DNAH17: variants seen among roughly 807,000 people sequenced by gnomAD.
DNAH17 encodes axonemal beta dynein heavy chain 17.
In DNAH17, 376 loss-of-function variants were observed where a neutral mutation model predicts 485.6. The observed-to-expected ratio is 0.77, with a 90% CI of 0.71 to 0.84. DNAH17 has a LOEUF of 0.84. DNAH17 is among the 40% of genes least tolerant of loss of function. DNAH17 has a pLI of 0.00. For missense variants in DNAH17, 6,370 were observed against 5,839.3 expected, an observed-to-expected ratio of 1.09 and a Z score of -2.96; for synonymous variants, 3,031 against 2,405.9, an observed-to-expected ratio of 1.26 and a Z score of -7.60.
At chr17:78,461,406 G>C in intron 58 of DNAH17, 138 bp downstream of exon 58, 1 of 951,902 alleles carries the variant, frequency 1.1e-6, no homozygotes, top group Non-Finnish European at 1.4e-6. Context: ...GGGTCCCACT[G>C]GTTTAGGAAC....
chr17:78,504,658 AT>A (rs1450720089), intron 31 of DNAH17, among the ~76,000 whole-genome samples: 11 of 152,208 alleles, frequency 7.2e-5, no homozygotes, highest in Admixed American at 7.2e-4. Flanking sequence ...TAGTTGGGTA[AT>A]GAGACAGGGG....
chr17:78,551,835 C>T (rs1209437893), intron 15 of DNAH17, among the ~76,000 whole-genome samples, 197 bp from the exon 16 acceptor site: 1 of 151,952 alleles, frequency 6.6e-6, no homozygotes, highest in East Asian at 1.9e-4. Context: ...TAGCAGTGGG[C>T]ACCTGTAATC....
rs760875407 is a variant in DNAH17, at chr17:78,461,658, CTGCT to C, written c.9221_9224del (p.Lys3074ArgfsTer9). On this transcript the variant is annotated frameshift_variant, in exon 58 of 81. Transcript: ENST00000389840. LOFTEE classifies it high-confidence loss of function. The stretch of plus-strand genomic sequence containing the variant: ...TCAGTTGGTCTGCGCTCTCATTCTT[CTGCT>C]TGAGCTCAGCCTCCTGAATCGCCAA... The C allele has an allele frequency of 6.2e-7, 1 of 1,612,158 alleles. No individual in the cohort carries two copies. Among genetic ancestry groups the C allele is most frequent in the South Asian group, 1.1e-5 (1 of 90,812 alleles).
intron 27 of DNAH17, among the ~76,000 whole-genome samples, chr17:78,508,024 T>C (rs970398679): frequency 6.6e-6 from 1 of 152,006 alleles, no homozygotes; most frequent in Non-Finnish European, 1.5e-5. Flanking sequence ...CATAAGCCAC[T>C]AAAGGAATGA....
At chr17:78,505,177 G>C in intron 31 of DNAH17, 116 bp downstream of exon 31, 1 of 1,364,226 alleles carries the variant, frequency 7.3e-7, no homozygotes, top group Non-Finnish European at 1.0e-6. Context: ...AGCAGGGGCG[G>C]GCTGGCAGCT....
At position 78,443,707 on chromosome 17, in the gene DNAH17, G is replaced by A. The variant is rs535506347; in HGVS notation, c.11528+897C>T. Reference sequence around the variant, plus strand: ...TGGGACTATAGGAGCCCGCCACCGCGCCCTGCTAATTTTTAGACTTTTTGT... The same window carrying A: ...TGGGACTATAGGAGCCCGCCACCGCACCCTGCTAATTTTTAGACTTTTTGT... On this transcript the variant is annotated intron_variant, in intron 71 of 80. Transcript: ENST00000389840. 1.3e-3 allele frequency among the ~76,000 whole-genome samples: 201 copies of A among 152,178 alleles called. 1 individual carries two copies. The highest frequency in any genetic ancestry group is 4.4e-3 in the African/African-American group (184 of 41,516).
In DNAH17 at chr17:78,569,393, G is replaced by A; in HGVS notation, c.1179C>T (p.Asn393=). 6.2e-7 allele frequency: 1 copy of A among 1,613,168 alleles called. No individual in the cohort carries two copies. The highest frequency in any genetic ancestry group is 8.5e-7 in the Non-Finnish European group (1 of 1,179,520). Residue 393 remains asparagine (N), a synonymous_variant, in exon 8 of 81, where the codon AAC becomes AAT. Transcript: ENST00000389840. ...GGGGTACCTTAAAGAAAAGCTTCAT[G>A]TTCACGCAGCAGAAGTCGTACGTCT... The part of the protein sequence containing the change: ...LYQTYDFCCV[N]MKLFFKDKEP...
In DNAH17 at chr17:78,507,703, C is replaced by T. The variant is rs1359501567; in HGVS notation, c.4339G>A (p.Glu1447Lys). 3.1e-6 allele frequency: 5 copies of T among 1,609,816 alleles called. No individual in the cohort carries two copies. Among genetic ancestry groups the T allele is most frequent in the Non-Finnish European group, 3.4e-6 (4 of 1,179,642 alleles). Reference sequence around the variant, plus strand: ...TGCACCTGGTTGTCCTCCAGCGTCTCCACCAGCACCTCGCTGGACTTGAGC... The same window carrying T: ...TGCACCTGGTTGTCCTCCAGCGTCTTCACCAGCACCTCGCTGGACTTGAGC... ...MMLKSSEVLV[E>K]TLEDNQVQLQ... is the part of the protein sequence containing the mutation. Residue 1447 changes from glutamate (E) to lysine (K), a missense_variant, in exon 28 of 81, where the codon GAG (glutamate) becomes AAG (lysine). Glu to Lys is a moderately conservative substitution (Grantham distance 56). Coordinates refer to ENST00000389840, the MANE Select transcript of DNAH17 (RefSeq NM_173628.4).
In DNAH17 at chr17:78,532,534, G is replaced by T. The variant is rs1157222768; in HGVS notation, c.3062C>A (p.Thr1021Lys). 1.2e-6 allele frequency: 2 copies of T among 1,611,330 alleles called. No homozygotes were observed. The highest frequency in any genetic ancestry group is 1.1e-5 in the South Asian group (1 of 90,408). The change falls in exon 20 of 81, where the codon ACA becomes AAA. Residue 1021 changes from threonine to lysine, a missense_variant. Thr to Lys is a moderately conservative substitution (Grantham distance 78, BLOSUM62 -1). Coordinates refer to ENST00000389840, the MANE Select transcript of DNAH17 (RefSeq NM_173628.4). ...AVTAEDLDTW[T>K]DDTIPKTPPT... ...CGGTGTCTTGGGGATGGTGTCATCT[G>T]TCCAGGTGTCCAAGTCCTCCGCAGT... is the stretch of plus-strand genomic sequence containing the variant.
chr17:78,532,481 C>T lies in DNAH17; in HGVS notation c.3114+1G>A, dbSNP rs749131246. 2 of 1,608,954 alleles carry T rather than the reference C, an allele frequency of 1.2e-6. No individual in the cohort carries two copies. The highest frequency in any genetic ancestry group is 1.7e-6 in the Non-Finnish European group (2 of 1,178,170). The stretch of plus-strand genomic sequence containing the variant: ...GGCTGGTGGGTGAGGTCTGCACGCA[C>T]CTGCTCCTGGAACTGAGCCAGGGTG... On this transcript the variant is annotated splice_donor_variant, in intron 20 of 80. Coordinates refer to ENST00000389840, the MANE Select transcript of DNAH17 (RefSeq NM_173628.4). LOFTEE classifies it high-confidence loss of function.
At chr17:78,505,744 C>T (rs1029923985) in intron 30 of DNAH17, among the ~76,000 whole-genome samples, 2 of 151,978 alleles carry the variant, frequency 1.3e-5, no homozygotes. Flanking sequence ...TTTGGGAGGC[C>T]GAGGCAGGTG....
In DNAH17 at chr17:78,555,368, T is replaced by C. The variant is rs544783861; in HGVS notation, c.2179-2563A>G. On this transcript the variant is annotated intron_variant, in intron 14 of 80. Coordinates refer to ENST00000389840, the MANE Select transcript of DNAH17 (RefSeq NM_173628.4). The stretch of plus-strand genomic sequence containing the variant: ...TAGTGTGCTCGTGACTAAATCATGG[T>C]GCTCCTACCATACCTGGAGTCCAAG... Among the ~76,000 whole-genome samples the C allele has an allele frequency of 1.3e-5, 2 of 151,986 alleles. 1 individual carries two copies. The highest frequency in any genetic ancestry group is 1.3e-4 in the Admixed American group (2 of 15,272).
intron 42 of DNAH17, among the ~76,000 whole-genome samples, chr17:78,492,040 G>A (rs2089882166): frequency 6.6e-6 from 1 of 152,140 alleles, no homozygotes; most frequent in Admixed American, 6.5e-5. Context: ...AGCCAGCGAA[G>A]GGGGACAGGG....
chr17:78,476,735 TG>T lies in DNAH17; in HGVS notation c.7993-3del. The T allele has an allele frequency of 1.9e-6, 3 of 1,610,962 alleles. No homozygotes were observed. The highest frequency in any genetic ancestry group is 2.5e-6 in the Non-Finnish European group (3 of 1,178,588). On this transcript the variant is annotated splice_region_variant and splice_polypyrimidine_tract_variant and intron_variant, in intron 51 of 80. Coordinates refer to ENST00000389840, the MANE Select transcript of DNAH17 (RefSeq NM_173628.4). ...TTCTGCTGTGGAAAATAAGAGTCCC[TG>T]CCCCAAACACAGGATGATCAGCACC...
intron 75 of DNAH17, among the ~76,000 whole-genome samples, chr17:78,429,794 C>T (rs150061109): frequency 1.2e-3 from 177 of 152,316 alleles, no homozygotes; most frequent in Middle Eastern, 3.4e-3. Flanking sequence ...CTTTTGGCCA[C>T]GAAGTCGTTA....
Position 78,507,813 on chromosome 17 carries a change from G to C in DNAH17, c.4237-8C>G. On this transcript the variant is annotated splice_polypyrimidine_tract_variant and splice_region_variant and intron_variant, in intron 27 of 80. Transcript: ENST00000389840. ...GTCCAGGGCTTTCAGCACCTTTTGGGGGAACAGAAAAATAAGGTCACTGAG... is the reference window on the plus strand; with the variant it reads ...GTCCAGGGCTTTCAGCACCTTTTGGCGGAACAGAAAAATAAGGTCACTGAG... 1 of 1,541,724 alleles carries C rather than the reference G, an allele frequency of 6.5e-7. No individual in the cohort carries two copies. The highest frequency in any genetic ancestry group is 8.7e-7 in the Non-Finnish European group (1 of 1,146,074).
At chr17:78,459,716 A>G in intron 60 of DNAH17, 68 bp downstream of exon 60, 2 of 1,568,548 alleles carry the variant, frequency 1.3e-6, no homozygotes, top group South Asian at 1.1e-5. Context: ...GCTTCACCTC[A>G]GCATCGTGCC....
intron 74 of DNAH17, among the ~76,000 whole-genome samples, chr17:78,435,434 A>C (rs923015630): frequency 3.3e-5 from 5 of 152,024 alleles, no homozygotes; most frequent in African/African-American, 1.2e-4. Context: ...GAACTTGTGA[A>C]GGGTCTCCTT....
chr17:78,454,856 G>A (rs1170925984), intron 63 of DNAH17, among the ~76,000 whole-genome samples, 151 bp from the exon 64 acceptor site: 1 of 152,166 alleles, frequency 6.6e-6, no homozygotes, highest in East Asian at 1.9e-4. Flanking sequence ...CATCACTCTG[G>A]ACAGAGCAGC....
Sources: allele counts gnomAD v4.1 joint callset (sites outside exome capture counted in the v4.1 genomes callset), GRCh38; gene constraint gnomAD v4.1.1; transcripts MANE v1.5; gene names NCBI Gene and HGNC (gene_info 2026-07-23, HGNC 2026-07-21).